The following LUC7L variants were observed in gnomAD, a reference collection of about 807,000 sequenced individuals.
LUC7L encodes LUC7 like.
Under a neutral mutation model 51.1 loss-of-function variants are expected in LUC7L, and 29 were observed. The observed-to-expected ratio is 0.57, with a 90% CI of 0.42 to 0.77. LUC7L has a LOEUF of 0.77. Ranked by LOEUF, LUC7L falls within the 30% of genes least tolerant of loss-of-function variation. The pLI is 0.00. For missense variants in LUC7L, 403 were observed against 511.9 expected (o/e 0.79, Z 2.05); for synonymous variants, 181 against 180.7 (o/e 1.00, Z -0.01).
At chr16:228,164 C>A in intron 1 of LUC7L, 1 of 1,231,270 alleles carries the variant, frequency 8.1e-7, no homozygotes, top group Non-Finnish European at 1.0e-6. Flanking sequence ...CAACACAGAG[C>A]TGTGCAACGC....
At chr16:207,657 C>T (rs1160570444) in intron 4 of LUC7L, among the ~76,000 whole-genome samples, 1 of 152,168 alleles carries the variant, frequency 6.6e-6, no homozygotes, top group African/African-American at 2.4e-5. Context: ...GCCCTCTATC[C>T]TTAACTGGAG....
chr16:222,458 CA>C (rs1260062299), intron 2 of LUC7L, among the ~76,000 whole-genome samples: 1 of 151,718 alleles, frequency 6.6e-6, no homozygotes, highest in Non-Finnish European at 1.5e-5. Context: ...GGCAACATAG[CA>C]AGACCCTGTC....
At chr16:223,203 C>CA (rs749807930) in intron 2 of LUC7L, among the ~76,000 whole-genome samples, 11 of 150,916 alleles carry the variant, frequency 7.3e-5, no homozygotes, top group East Asian at 4.0e-4. Flanking sequence ...ACTAAAAATA[C>CA]AAAAAAAATT....
chr16:204,753 G>A (rs1221151138), intron 5 of LUC7L, among the ~76,000 whole-genome samples: 1 of 152,162 alleles, frequency 6.6e-6, no homozygotes, highest in Non-Finnish European at 1.5e-5. Context: ...TCAATCTAAT[G>A]TATACATCAA....
At position 227,885 on chromosome 16, in the gene LUC7L, G is replaced by A. The variant is rs921291244; in HGVS notation, c.62-549C>T. 1.9e-5 allele frequency: 19 copies of A among 1,000,798 alleles called. No homozygotes were observed. In the Admixed American group the frequency reaches 9.9e-4, roughly 52 times the overall value. 62.0% of individuals were successfully genotyped at this position (1,000,798 alleles called of 1,614,324 possible). A position where few individuals can be genotyped will look rare whatever the true frequency, so the allele number is the denominator to read the frequency against. The stretch of plus-strand genomic sequence containing the variant: ...CTTTCGTTCCCACCCTTAAAAAAGA[G>A]AGTTGCTACCTGGGAGTCACTTTTA... On this transcript the variant is annotated intron_variant, in intron 1 of 9. Coordinates refer to ENST00000293872, the MANE Select transcript of LUC7L (RefSeq NM_201412.3).
intron 4 of LUC7L, among the ~76,000 whole-genome samples, chr16:207,753 T>G (rs2049523604): frequency 6.6e-6 from 1 of 152,154 alleles, no homozygotes; most frequent in Non-Finnish European, 1.5e-5. Flanking sequence ...CTCACGCCTG[T>G]AATCCCAGCA....
At chr16:200,416 GAAAA>G (rs577587041) in intron 5 of LUC7L, among the ~76,000 whole-genome samples, 3 of 119,114 alleles carry the variant, frequency 2.5e-5, no homozygotes, top group Non-Finnish European at 5.2e-5. Context: ...CGTCTCAAAA[GAAAA>G]AAAAAAAAAA....
At chr16:202,708 TAAGA>T (rs2049368635) in intron 5 of LUC7L, among the ~76,000 whole-genome samples, 1 of 152,268 alleles carries the variant, frequency 6.6e-6, no homozygotes, top group East Asian at 1.9e-4. Flanking sequence ...TCCTTGTCAT[TAAGA>T]AAGATATGAC....
At chr16:216,001 G>C (rs1354084419) in intron 3 of LUC7L, among the ~76,000 whole-genome samples, 1 of 151,158 alleles carries the variant, frequency 6.6e-6, no homozygotes, top group Non-Finnish European at 1.5e-5. Flanking sequence ...GCCCAGCCCG[G>C]TTTACTGTTT....
intron 5 of LUC7L, among the ~76,000 whole-genome samples, chr16:199,461 C>A (rs948004463): frequency 6.6e-6 from 1 of 152,096 alleles, no homozygotes; most frequent in Non-Finnish European, 1.5e-5. Flanking sequence ...GCCAGGTGGG[C>A]GGACCATGTG....
intron 3 of LUC7L, among the ~76,000 whole-genome samples, chr16:219,535 T>C (rs1337811991): frequency 6.6e-6 from 1 of 152,068 alleles, no homozygotes; most frequent in Non-Finnish European, 1.5e-5. Flanking sequence ...GCTATAATCA[T>C]GCTGCTGCAC....
chr16:207,878 G>A lies in LUC7L; in HGVS notation c.366+200C>T, dbSNP rs375888695. Reference sequence around the variant, plus strand: ...CAAAAAATTAGCCGGGCATGGTGGCGGGCGTCTGCAGTCCCAGCTACTCGG... The same window carrying A: ...CAAAAAATTAGCCGGGCATGGTGGCAGGCGTCTGCAGTCCCAGCTACTCGG... On this transcript the variant is annotated intron_variant, in intron 4 of 9. Coordinates refer to ENST00000293872, the MANE Select transcript of LUC7L (RefSeq NM_201412.3). 5.0e-4 allele frequency among the ~76,000 whole-genome samples: 76 copies of A among 152,160 alleles called. 1 individual carries two copies. In the South Asian group the frequency reaches 0.015, roughly 30 times the overall value.
chr16:216,277 G>C (rs2049794651), intron 3 of LUC7L, among the ~76,000 whole-genome samples: 1 of 151,874 alleles, frequency 6.6e-6, no homozygotes, highest in African/African-American at 2.4e-5. Context: ...GCTTGGGTAA[G>C]AGGTGTGAGC....
At chr16:214,331 A>C (rs2049727685) in intron 3 of LUC7L, among the ~76,000 whole-genome samples, 1 of 152,152 alleles carries the variant, frequency 6.6e-6, no homozygotes, top group Non-Finnish European at 1.5e-5. Context: ...AAGTGCTGGG[A>C]TTACAGGTGT....
rs946053045 is a variant in LUC7L, at chr16:228,382, G to A, written c.61+897C>T. On this transcript the variant is annotated intron_variant, in intron 1 of 9. Transcript: ENST00000293872. ...GCAACTCCCTTGCAGATTGATGTAG[G>A]CAGGCAAAGATACACTGAACCTTTA... 1.9e-5 allele frequency: 25 copies of A among 1,303,686 alleles called. No homozygotes were observed. The Admixed American group carries it at 5.3e-4, about 28-fold the overall frequency. 80.8% of individuals were successfully genotyped at this position (1,303,686 alleles called of 1,614,324 possible).
chr16:220,781 T>C, intron 2 of LUC7L, 34 bp from the exon 3 acceptor site: 1 of 1,415,364 alleles, frequency 7.1e-7, no homozygotes, highest in Middle Eastern at 1.7e-4. Context: ...CAGACCTCAG[T>C]GCCTACCTAC....
chr16:204,169 C>A (rs535013810), intron 5 of LUC7L, among the ~76,000 whole-genome samples: 1 of 151,846 alleles, frequency 6.6e-6, no homozygotes, highest in Admixed American at 6.6e-5. Context: ...AATGGCCTGG[C>A]GAAGTGGCTC....
intron 6 of LUC7L, among the ~76,000 whole-genome samples, chr16:197,254 C>T (rs1196857543): frequency 2.3e-5 from 3 of 127,708 alleles, no homozygotes; most frequent in Non-Finnish European, 3.1e-5. Flanking sequence ...TGCTCTGTCT[C>T]GTAGGCTGGA....
At chr16:204,995 G>C (rs1242024159) in intron 5 of LUC7L, among the ~76,000 whole-genome samples, 1 of 150,024 alleles carries the variant, frequency 6.7e-6, no homozygotes, top group East Asian at 2.0e-4. Context: ...GTGTTTCAAG[G>C]GGATACTCAC....
Sources: allele counts gnomAD v4.1 joint callset (sites outside exome capture counted in the v4.1 genomes callset), GRCh38; gene constraint gnomAD v4.1.1; transcripts MANE v1.5; gene names NCBI Gene and HGNC (gene_info 2026-07-23, HGNC 2026-07-21).